ANAPC10: variants seen among roughly 807,000 people sequenced by gnomAD.
The protein encoded by ANAPC10 is anaphase-promoting complex subunit 10.
In ANAPC10, 12 loss-of-function variants were observed where a neutral mutation model predicts 22.0. The ratio of observed to expected loss-of-function variants is 0.55; its 90% CI spans 0.35 to 0.88. ANAPC10 has a LOEUF of 0.88. Among genes scored for constraint, ANAPC10 ranks in the 40% least tolerant of loss-of-function variants. The pLI, the probability that ANAPC10 is intolerant of heterozygous loss-of-function variation, is 0.01. For missense variants in ANAPC10, 188 were observed against 220.9 expected (o/e 0.85, Z 0.94); for synonymous variants, 65 against 69.5 (o/e 0.94, Z 0.32).
chr4:145,090,386 T>C (rs1386889867), intron 2 of ANAPC10, among the ~76,000 whole-genome samples: 2 of 152,212 alleles, frequency 1.3e-5, no homozygotes, highest in Non-Finnish European at 2.9e-5. Flanking sequence ...CCTACAGATA[T>C]GGAAGGCTAA....
At chr4:145,055,514 C>T (rs1473282405) in intron 4 of ANAPC10, among the ~76,000 whole-genome samples, 3 of 151,718 alleles carry the variant, frequency 2.0e-5, no homozygotes, top group African/African-American at 7.3e-5. Flanking sequence ...GCCAATATCA[C>T]GTCACTGCAC....
At chr4:145,043,766 CTGA>C (rs961990493) in intron 4 of ANAPC10, among the ~76,000 whole-genome samples, 1 of 152,056 alleles carries the variant, frequency 6.6e-6, no homozygotes, top group African/African-American at 2.4e-5. Flanking sequence ...CAAATGAAGG[CTGA>C]TATCTGCTGC....
intron 4 of ANAPC10, among the ~76,000 whole-genome samples, chr4:145,014,843 T>G (rs1734858211): frequency 2.0e-5 from 3 of 151,950 alleles, no homozygotes; most frequent in Admixed American, 2.0e-4. Context: ...GACAACAATC[T>G]CTACAGCTCG....
At chr4:145,021,556 T>C (rs942803447) in intron 4 of ANAPC10, among the ~76,000 whole-genome samples, 4 of 152,132 alleles carry the variant, frequency 2.6e-5, no homozygotes, top group Admixed American at 1.3e-4. Flanking sequence ...ATCTAACACC[T>C]GAAACTATAA....
At chr4:145,005,143 C>T (rs57373384) in intron 4 of ANAPC10, among the ~76,000 whole-genome samples, 4,403 of 152,184 alleles carry the variant, frequency 0.029, 197 homozygotes, top group African/African-American at 0.098. Flanking sequence ...CTCTGCCTCT[C>T]AGGCTCTAGC....
At chr4:145,026,078 C>T (rs1372959438) in intron 4 of ANAPC10, among the ~76,000 whole-genome samples, 4 of 152,160 alleles carry the variant, frequency 2.6e-5, no homozygotes, top group Admixed American at 6.6e-5. Context: ...TGCTCAGCTA[C>T]GAGAACACTG....
At chr4:145,039,588 T>A (rs140353192) in intron 4 of ANAPC10, among the ~76,000 whole-genome samples, 182 of 152,170 alleles carry the variant, frequency 1.2e-3, no homozygotes, top group African/African-American at 4.0e-3. Context: ...AATAGCCCTA[T>A]GAGGTATACT....
chr4:145,063,769 C>T (rs542839556), intron 4 of ANAPC10, among the ~76,000 whole-genome samples: 76 of 152,164 alleles, frequency 5.0e-4, no homozygotes, highest in African/African-American at 1.8e-3. Context: ...CAGTGAAATA[C>T]AACTCAGAAG....
intron 4 of ANAPC10, among the ~76,000 whole-genome samples, chr4:145,054,556 CAAA>C (rs1283371321): frequency 1.5e-5 from 1 of 68,320 alleles, no homozygotes. Flanking sequence ...GACTCTATCT[CAAA>C]AAAAAAAAAA....
At chr4:145,048,747 T>TA (rs1220761229) in intron 4 of ANAPC10, among the ~76,000 whole-genome samples, 2,286 of 144,642 alleles carry the variant, frequency 0.016, 51 homozygotes, top group African/African-American at 0.052. Flanking sequence ...AGCCCCAATT[T>TA]AAAAAAAAAA....
chr4:145,079,790 G>C (rs1745699446), intron 3 of ANAPC10, among the ~76,000 whole-genome samples: 1 of 152,052 alleles, frequency 6.6e-6, no homozygotes, highest in African/African-American at 2.4e-5. Flanking sequence ...ACCAAATATT[G>C]CATGTTCTCA....
At chr4:145,067,029 C>T (rs1004591204) in intron 3 of ANAPC10, among the ~76,000 whole-genome samples, 1 of 142,848 alleles carries the variant, frequency 7.0e-6, no homozygotes, top group Admixed American at 7.2e-5. Context: ...CCACAGAAAT[C>T]GTACGTATAA....
chr4:145,027,128 C>T (rs1218128223), intron 4 of ANAPC10, among the ~76,000 whole-genome samples: 3 of 145,254 alleles, frequency 2.1e-5, no homozygotes, highest in African/African-American at 5.1e-5. Context: ...CTCAGCCTCC[C>T]GAGTAGCTGA....
Position 145,057,525 on chromosome 4 carries a change from C to T in ANAPC10, c.327+7047G>A, listed in dbSNP as rs182221230. Among the ~76,000 whole-genome samples the T allele has an allele frequency of 6.6e-5, 10 of 152,230 alleles. No individual in the cohort carries two copies. In the East Asian group the frequency reaches 1.5e-3, roughly 24 times the overall value. On this transcript the variant is annotated intron_variant, in intron 4 of 4. Coordinates refer to ENST00000507656, the MANE Select transcript of ANAPC10 (RefSeq NM_001256706.2). ...CATCTTCATGGTTCCAGCCCTAGCACTCTTCTTTCATATCTAAGCTTCTAT... is the reference window on the plus strand; with the variant it reads ...CATCTTCATGGTTCCAGCCCTAGCATTCTTCTTTCATATCTAAGCTTCTAT...
At chr4:145,091,096 CAT>C in intron 2 of ANAPC10, among the ~76,000 whole-genome samples, 1 of 152,320 alleles carries the variant, frequency 6.6e-6, no homozygotes, top group Non-Finnish European at 1.5e-5. Context: ...TGAAGTAAGA[CAT>C]ATGACATTGC....
chr4:145,096,139 T>C, intron 1 of ANAPC10, 28 bp from the exon 2 acceptor site: 1 of 1,602,426 alleles, frequency 6.2e-7, no homozygotes, highest in Non-Finnish European at 8.5e-7. Context: ...ATGCACACAT[T>C]GTATCAGGAA....
At chr4:145,042,942 T>C (rs1049711271) in intron 4 of ANAPC10, among the ~76,000 whole-genome samples, 8 of 152,110 alleles carry the variant, frequency 5.3e-5, no homozygotes, top group African/African-American at 1.9e-4. Context: ...ATAAAGTGTT[T>C]TTAATTCTTC....
rs70956823 is a variant in ANAPC10, at chr4:145,054,604, A to AGTGTGT, written c.327+9962_327+9967dup. Among the ~76,000 whole-genome samples the AGTGTGT allele has an allele frequency of 1.9e-3, 247 of 128,310 alleles. 2 individuals carry two copies. Among genetic ancestry groups the AGTGTGT allele is most frequent in the African/African-American group, 6.8e-3 (229 of 33,502 alleles). 84.2% of individuals were successfully genotyped at this position (128,310 alleles called of 152,430 possible). A position where few individuals can be genotyped will look rare whatever the true frequency, so the allele number is the denominator to read the frequency against. On this transcript the variant is annotated intron_variant, in intron 4 of 4. Transcript: ENST00000507656. ...CACAGGATGAGGGGACATACTGAAT[A>AGTGTGT]GTGTGTGTGTGTGTGTGTGTGTGTG...
chr4:145,066,289 T>A (rs1018115477), intron 3 of ANAPC10, among the ~76,000 whole-genome samples: 3 of 152,096 alleles, frequency 2.0e-5, no homozygotes, highest in African/African-American at 7.2e-5. Context: ...AAGACCATTA[T>A]TAGGTTTTTA....
Sources: gnomAD v4.1 joint callset for allele counts (sites outside exome capture counted in the v4.1 genomes callset) on GRCh38, gnomAD v4.1.1 for gene constraint, MANE v1.5 for transcripts, NCBI Gene and HGNC (gene_info 2026-07-23, HGNC 2026-07-21) for gene names.